FSTL4: variants seen among roughly 807,000 people sequenced by gnomAD.
FSTL4 encodes the protein follistatin like 4.
FSTL4 carries 28 observed loss-of-function variants against 78.2 expected under a neutral mutation model. The observed-to-expected ratio is 0.36, with a 90% CI of 0.27 to 0.49. The LOEUF (loss-of-function observed/expected upper bound fraction) is 0.49, where lower values mean the gene tolerates loss of function less well. Ranked by LOEUF, FSTL4 falls within the 20% of genes least tolerant of loss-of-function variation. FSTL4 has a pLI of 0.98. For missense variants in FSTL4, 922 were observed against 1,084.9 expected (o/e 0.85, Z 2.11); for synonymous variants, 422 against 440.5 (o/e 0.96, Z 0.53).
At chr5:133,688,311 G>A in the FSTL4 span, among the ~76,000 whole-genome samples, 1 of 152,204 alleles carries the variant, frequency 6.6e-6, no homozygotes, top group Non-Finnish European at 1.5e-5. Flanking sequence ...TACTCAGGAG[G>A]CTGAGGCAGG....
the FSTL4 span, among the ~76,000 whole-genome samples, chr5:133,721,673 G>A: frequency 2.0e-5 from 3 of 152,030 alleles, no homozygotes; most frequent in East Asian, 3.9e-4. Context: ...TCTCTTATAT[G>A]TGACTTGGTG....
At chr5:133,415,893 G>C (rs1015180323) in intron 3 of FSTL4, among the ~76,000 whole-genome samples, 1 of 152,222 alleles carries the variant, frequency 6.6e-6, no homozygotes. Flanking sequence ...ACTGGCATTG[G>C]AGGTATTGAA....
chr5:133,289,317 C>A (rs577331440), intron 6 of FSTL4, among the ~76,000 whole-genome samples: 1 of 152,292 alleles, frequency 6.6e-6, no homozygotes, highest in Non-Finnish European at 1.5e-5. Flanking sequence ...AAGTAGAGCC[C>A]TTTCCTTCTC....
intron 6 of FSTL4, among the ~76,000 whole-genome samples, chr5:133,283,144 T>C (rs1581591580): frequency 6.6e-6 from 1 of 152,156 alleles, no homozygotes; most frequent in East Asian, 1.9e-4. Flanking sequence ...GACAGAGATT[T>C]TCAAGAGTGG....
At chr5:133,542,200 G>A (rs1430675588) in intron 3 of FSTL4, among the ~76,000 whole-genome samples, 1 of 152,074 alleles carries the variant, frequency 6.6e-6, no homozygotes, top group Non-Finnish European at 1.5e-5. Context: ...ATAAATGAAT[G>A]GATATTAGAT....
At chr5:133,464,865 C>T (rs1300607310) in intron 3 of FSTL4, among the ~76,000 whole-genome samples, 1 of 152,146 alleles carries the variant, frequency 6.6e-6, no homozygotes, top group Admixed American at 6.5e-5. Flanking sequence ...TTAAGTGGGA[C>T]CTTTCTGTGA....
At chr5:133,594,497 G>A (rs1338809306) in intron 2 of FSTL4, among the ~76,000 whole-genome samples, 1 of 152,188 alleles carries the variant, frequency 6.6e-6, no homozygotes, top group African/African-American at 2.4e-5. Flanking sequence ...CCGGCCAGAA[G>A]CCTGCTCTTC....
the FSTL4 span, among the ~76,000 whole-genome samples, chr5:133,791,516 T>C: frequency 6.6e-6 from 1 of 152,248 alleles, no homozygotes; most frequent in Non-Finnish European, 1.5e-5. Context: ...GGTCACTCAG[T>C]AAACGTTTGT....
chr5:133,674,107 C>T, the FSTL4 span, among the ~76,000 whole-genome samples: 3 of 152,158 alleles, frequency 2.0e-5, no homozygotes, highest in Admixed American at 1.3e-4. Flanking sequence ...CACGGGGGCT[C>T]CAGGTCACTA....
chr5:133,525,223 G>T (rs755826602), intron 3 of FSTL4, among the ~76,000 whole-genome samples: 3 of 152,114 alleles, frequency 2.0e-5, no homozygotes, highest in African/African-American at 7.2e-5. Flanking sequence ...CGCTTATCAC[G>T]CACATTCCAC....
At chr5:133,605,718 G>A (rs554765317) in intron 1 of FSTL4, among the ~76,000 whole-genome samples, 2 of 152,192 alleles carry the variant, frequency 1.3e-5, no homozygotes, top group African/African-American at 4.8e-5. Context: ...TGTCTTTTAA[G>A]AGAAGGTGTC....
At chr5:133,237,285 A>C (rs1452120346) in intron 7 of FSTL4, among the ~76,000 whole-genome samples, 3 of 152,328 alleles carry the variant, frequency 2.0e-5, no homozygotes, top group East Asian at 3.9e-4. Flanking sequence ...AGCTCAGAGC[A>C]GCAGGAAGAG....
rs747589711 is a variant in FSTL4 at position 133,233,424 on chromosome 5, C to G, written c.1008G>C (p.Gln336His). Residue 336 changes from glutamine to histidine, a missense_variant, in exon 8 of 16, where the codon CAG becomes CAC. Coordinates refer to ENST00000265342, the MANE Select transcript of FSTL4 (RefSeq NM_015082.2). ...HEQLFQTHVL[Q>H]VNVPPVIRVY... ...ATGGAGCCATTTACTAACCATTCAC[C>G]TGCAGGACGTGGGTCTGGAACAGCT... 6.2e-7 allele frequency: 1 copy of G among 1,614,160 alleles called. No homozygotes were observed. Among genetic ancestry groups the G allele is most frequent in the Middle Eastern group, 1.7e-4 (1 of 6,024 alleles).
chr5:133,255,219 T>C (rs1046958798), intron 6 of FSTL4, among the ~76,000 whole-genome samples: 3 of 152,176 alleles, frequency 2.0e-5, no homozygotes, highest in Non-Finnish European at 4.4e-5. Context: ...GTCTACACAC[T>C]GAGGCTGGTG....
chr5:133,554,837 G>A (rs765877623), intron 3 of FSTL4, among the ~76,000 whole-genome samples: 111 of 152,170 alleles, frequency 7.3e-4, no homozygotes, highest in Non-Finnish European at 2.6e-4. Context: ...TAGCATCTGC[G>A]ATGCGGTACG....
At chr5:133,839,321 A>G in the FSTL4 span, among the ~76,000 whole-genome samples, 1 of 152,218 alleles carries the variant, frequency 6.6e-6, no homozygotes, top group Non-Finnish European at 1.5e-5. Context: ...ATTCCTGCAG[A>G]TGAGTACTGC....
rs551415525 is a variant in FSTL4 at position 133,364,904 on chromosome 5, T to A, written c.409+35834A>T. Among the ~76,000 whole-genome samples the A allele has an allele frequency of 3.3e-5, 5 of 152,252 alleles. No homozygotes were observed. The South Asian group carries it at 8.3e-4, about 25-fold the overall frequency. On this transcript the variant is annotated intron_variant, in intron 4 of 15. Coordinates refer to ENST00000265342, the MANE Select transcript of FSTL4 (RefSeq NM_015082.2). ...TAATCAGAGTCATTTTTGATGTTCATCCCCCTCTTAATCTCCTTAGATTTC... is the reference window on the plus strand; with the variant it reads ...TAATCAGAGTCATTTTTGATGTTCAACCCCCTCTTAATCTCCTTAGATTTC...
At chr5:133,757,657 TC>T in the FSTL4 span, among the ~76,000 whole-genome samples, 2 of 152,068 alleles carry the variant, frequency 1.3e-5, no homozygotes, top group African/African-American at 4.8e-5. Context: ...GCCCTGAACT[TC>T]TCTCAGAGGA....
chr5:133,753,731 T>C, the FSTL4 span, among the ~76,000 whole-genome samples: 2 of 58,984 alleles, frequency 3.4e-5, no homozygotes, highest in East Asian at 3.2e-4. Context: ...GTGTGTGTAG[T>C]GGCAGGGAAG....
Sources: allele counts gnomAD v4.1 joint callset (sites outside exome capture counted in the v4.1 genomes callset), GRCh38; gene constraint gnomAD v4.1.1; transcripts MANE v1.5; gene names NCBI Gene and HGNC (gene_info 2026-07-23, HGNC 2026-07-21).